The following TP53BP1 variants were observed in gnomAD, a reference collection of about 807,000 sequenced individuals.
TP53BP1 encodes TP53-binding protein 1.
A neutral mutation model predicts 200.8 loss-of-function variants in TP53BP1; 61 were observed. That is an observed-to-expected ratio of 0.30 (90% CI 0.25 to 0.38). The LOEUF is 0.38. Ranked by LOEUF, TP53BP1 falls within the 10% of genes least tolerant of loss-of-function variation. The pLI is 1.00. For missense variants in TP53BP1, 2,144 were observed against 2,371.9 expected (o/e 0.90, Z 2.00); for synonymous variants, 822 against 844.3 (o/e 0.97, Z 0.46).
chr15:43,428,367 T>C (rs2045598161), intron 17 of TP53BP1, among the ~76,000 whole-genome samples, 199 bp from the exon 18 acceptor site: 2 of 152,208 alleles, frequency 1.3e-5, no homozygotes, highest in African/African-American at 4.8e-5. Flanking sequence ...GAGAAGTTTA[T>C]ATGAGCATGA....
rs1268552575 is a variant in TP53BP1, at chr15:43,405,967, G to C, written c.*1416C>G. On this transcript the variant is annotated 3_prime_UTR_variant, in exon 28 of 28. Coordinates refer to ENST00000382044, the MANE Select transcript of TP53BP1 (RefSeq NM_001141980.3). ...AGACAGGAGAATTGCTTGAACCTGGGAAGCAGACGCTGCAGTGAGCTGAGA... is the reference window on the plus strand; with the variant it reads ...AGACAGGAGAATTGCTTGAACCTGGCAAGCAGACGCTGCAGTGAGCTGAGA... 1 of 147,050 alleles carries C rather than the reference G, an allele frequency of 6.8e-6. No homozygotes were observed. The highest frequency in any genetic ancestry group is 1.5e-5 in the Non-Finnish European group (1 of 67,440). The allele number at this position is 147,050 out of a possible 1,614,324, so 9.1% of individuals were successfully genotyped here. A position where few individuals can be genotyped will look rare whatever the true frequency, so the allele number is the denominator to read the frequency against.
intron 26 of TP53BP1, chr15:43,408,553 C>A: frequency 3.2e-6 from 1 of 315,908 alleles, no homozygotes; most frequent in South Asian, 3.8e-5. Context: ...TCCTTGCATT[C>A]CTGGCTTTCT....
At chr15:43,407,724 A>AGTT in intron 27 of TP53BP1, 154 bp from the exon 28 acceptor site, 3 of 814,448 alleles carry the variant, frequency 3.7e-6, no homozygotes, top group Non-Finnish European at 5.7e-6. Context: ...CCAAAGGCAG[A>AGTT]GTTATAATCA....
At chr15:43,493,165 C>G, upstream of TP53BP1, 2 of 1,541,822 alleles carry the variant, frequency 1.3e-6, no homozygotes, top group Non-Finnish European at 1.7e-6. Context: ...TCCCCCTTTC[C>G]CGTCACGTCA....
chr15:43,439,246 G>C (rs948759935), intron 15 of TP53BP1, among the ~76,000 whole-genome samples: 10 of 152,214 alleles, frequency 6.6e-5, no homozygotes, highest in African/African-American at 2.4e-4. Context: ...ACACTTAAAA[G>C]TTTCATGTAC....
intron 27 of TP53BP1, 58 bp from the exon 28 acceptor site, chr15:43,407,628 G>A: frequency 6.6e-7 from 1 of 1,508,644 alleles, no homozygotes; most frequent in East Asian, 2.3e-5. Context: ...CCCTCCATTA[G>A]AAAGAGAGAT....
rs756570796 is a variant in TP53BP1 at position 43,456,696 on chromosome 15, T to C, written c.1912A>G (p.Thr638Ala). 1.2e-6 allele frequency: 2 copies of C among 1,614,122 alleles called. No individual in the cohort carries two copies. The highest frequency in any genetic ancestry group is 1.7e-6 in the Non-Finnish European group (2 of 1,180,030). ...SGSQAVPSPA[T>A]RSEALSSVLD... ...ACACTAGAAAGTGCCTCAGATCGAGTAGCTGGTGACGGAACTGCCTGACTC... is the reference window on the plus strand; with the variant it reads ...ACACTAGAAAGTGCCTCAGATCGAGCAGCTGGTGACGGAACTGCCTGACTC... The change falls in exon 12 of 28, where the codon ACT becomes GCT. Residue 638 changes from threonine (T) to alanine (A), a missense_variant. This residue lies in a region of TP53BP1 where 1,700 missense variants were observed against 1,710.3 expected (regional missense o/e 0.99). Coordinates refer to ENST00000382044, the MANE Select transcript of TP53BP1 (RefSeq NM_001141980.3).
At chr15:43,455,761 T>C (rs1207119797) in intron 12 of TP53BP1, 131 bp downstream of exon 12, 3 of 1,166,738 alleles carry the variant, frequency 2.6e-6, no homozygotes, top group East Asian at 5.2e-5. Context: ...AATTTCCCAA[T>C]TATTATTGGT....
rs114765399 is a variant in TP53BP1 at position 43,420,183 on chromosome 15, A to C, written c.4681+122T>G. ...AAGAGTAACCAATTTTGTAGGAATG[A>C]AATTTCTGACTTTAGAGACACTGGA... is the stretch of plus-strand genomic sequence containing the variant. On this transcript the variant is annotated intron_variant, in intron 21 of 27. Coordinates refer to ENST00000382044, the MANE Select transcript of TP53BP1 (RefSeq NM_001141980.3). The C allele has an allele frequency of 1.2e-3, 1,185 of 977,144 alleles. 17 individuals are homozygous for C. In the African/African-American group the frequency reaches 0.017, roughly 14 times the overall value. 60.5% of individuals were successfully genotyped at this position (977,144 alleles called of 1,614,324 possible). A position where few individuals can be genotyped will look rare whatever the true frequency, so the allele number is the denominator to read the frequency against.
In TP53BP1 at chr15:43,477,623, C is replaced by T. The variant is rs1361970966; in HGVS notation, c.925G>A (p.Glu309Lys). Residue 309 changes from glutamate (E) to lysine (K), a missense_variant, in exon 8 of 28, where the codon GAA becomes AAA. By Grantham distance (56) the Glu-to-Lys change is moderately conservative. Coordinates refer to ENST00000382044, the MANE Select transcript of TP53BP1 (RefSeq NM_001141980.3). ...TTATTGCTCTGGTCAAACAAGTCTT[C>T]CTGAGTTGACAAAACCTCAGGCTCT... ...SPEPEVLSTQ[E>K]DLFDQSNKTV... is the part of the protein sequence containing the mutation. The T allele has an allele frequency of 4.3e-6, 7 of 1,613,460 alleles. No homozygotes were observed. The highest frequency in any genetic ancestry group is 1.1e-5 in the South Asian group (1 of 90,926).
intron 12 of TP53BP1, among the ~76,000 whole-genome samples, chr15:43,451,388 T>C (rs1208514860): frequency 1.4e-5 from 2 of 147,624 alleles, no homozygotes; most frequent in African/African-American, 2.5e-5. Context: ...CCTGTGTCCA[T>C]GTGTTCTCAT....
chr15:43,500,690 G>A (rs535226500), intron 1 of TP53BP1, among the ~76,000 whole-genome samples: 3 of 152,020 alleles, frequency 2.0e-5, no homozygotes, highest in African/African-American at 7.2e-5. Flanking sequence ...GCATGGTGGC[G>A]AGCACCTGTA....
chr15:43,415,815 G>T lies in TP53BP1; in HGVS notation c.4874-6C>A. On this transcript the variant is annotated splice_polypyrimidine_tract_variant and splice_region_variant and intron_variant, in intron 22 of 27. Coordinates refer to ENST00000382044, the MANE Select transcript of TP53BP1 (RefSeq NM_001141980.3). Reference sequence around the variant, plus strand: ...CTTCCCTTCCACCAAATTGTCTATGGCAGGATAAGCCAAACAGGTTGGTCA... The same window carrying T: ...CTTCCCTTCCACCAAATTGTCTATGTCAGGATAAGCCAAACAGGTTGGTCA... 1 of 1,613,198 alleles carries T rather than the reference G, an allele frequency of 6.2e-7. No individual in the cohort carries two copies. Among genetic ancestry groups the T allele is most frequent in the South Asian group, 1.1e-5 (1 of 91,042 alleles).
rs1425224519 is a variant in TP53BP1, at chr15:43,416,431, G to A, written c.4682-15C>T. 1 of 1,611,388 alleles carries A rather than the reference G, an allele frequency of 6.2e-7. No individual in the cohort carries two copies. The highest frequency in any genetic ancestry group is 8.5e-7 in the Non-Finnish European group (1 of 1,178,698). ...TTTCACCACTCCTGGGGGGTGGAAA[G>A]CATAAAAGAAGCTTGCTGTTGTCTT... On this transcript the variant is annotated splice_polypyrimidine_tract_variant and intron_variant, in intron 21 of 27. Coordinates refer to ENST00000382044, the MANE Select transcript of TP53BP1 (RefSeq NM_001141980.3).
chr15:43,441,268 G>A, intron 15 of TP53BP1: 1 of 338,346 alleles, frequency 3.0e-6, no homozygotes. Context: ...ACAGAAAAAA[G>A]GGGGGAAAGG....
In TP53BP1 at chr15:43,421,136, C is replaced by T. The variant is rs1453631801; in HGVS notation, c.4139G>A (p.Cys1380Tyr). ...KGVSQTGTPVCEEDGDAGLGI... is the reference protein window; with the variant it reads ...KGVSQTGTPVYEEDGDAGLGI... ...AAGGCCTGCATCACCATCCTCCTCA[C>T]ACACTGGCGTCCCTGTCTGACTGAC... is the stretch of plus-strand genomic sequence containing the variant. Residue 1380 changes from cysteine (C) to tyrosine (Y), a missense_variant, in exon 20 of 28, where the codon TGT becomes TAT. Physicochemically the swap from Cys to Tyr is radical, Grantham distance 194 (BLOSUM62 -2). Transcript: ENST00000382044. 1.9e-6 allele frequency: 3 copies of T among 1,614,246 alleles called. No individual in the cohort carries two copies. Among genetic ancestry groups the T allele is most frequent in the Non-Finnish European group, 2.5e-6 (3 of 1,180,030 alleles).
At chr15:43,484,901 C>T (rs182636628) in intron 4 of TP53BP1, among the ~76,000 whole-genome samples, 22 of 152,258 alleles carry the variant, frequency 1.4e-4, no homozygotes, top group Admixed American at 1.4e-3. Context: ...CAGGCGCACA[C>T]TACCATGCCT....
In TP53BP1 at chr15:43,421,910, T is replaced by C. The variant is rs754400309; in HGVS notation, c.4045A>G (p.Thr1349Ala). The C allele has an allele frequency of 5.0e-5, 81 of 1,614,108 alleles. No homozygotes were observed. Among genetic ancestry groups the C allele is most frequent in the Non-Finnish European group, 6.3e-5 (74 of 1,180,044 alleles). The change falls in exon 19 of 28, where the codon ACA becomes GCA. Residue 1349 changes from threonine (T) to alanine (A), a missense_variant. By Grantham distance (58) the Thr-to-Ala change is moderately conservative. Around this residue, in one of 4 missense-constraint regions of TP53BP1, gnomAD observed 1,700 missense variants for 1,710.3 expected, o/e 0.99. Coordinates refer to ENST00000382044, the MANE Select transcript of TP53BP1 (RefSeq NM_001141980.3). ...GGTAAGGCAAAATCTGCGGGTTCTG[T>C]CCCGCTGGTTTTCCCTCTGAGTGGT... is the stretch of plus-strand genomic sequence containing the variant. ...AGPLRGKTSGTEPADFALPSS... is the reference protein window; with the variant it reads ...AGPLRGKTSGAEPADFALPSS...
At position 43,432,293 on chromosome 15, in the gene TP53BP1, C is replaced by T. The variant is rs369109815; in HGVS notation, c.3576G>A (p.Gln1192=). 8 of 1,614,188 alleles carry T rather than the reference C, an allele frequency of 5.0e-6. No individual in the cohort carries two copies. The highest frequency in any genetic ancestry group is 1.6e-4 in the Middle Eastern group (1 of 6,062). The part of the protein sequence containing the change: ...VCEQGTSTVD[Q]NFGKQDATVQ... ...CTGTGGCATCTTGCTTTCCAAAGTT[C>T]TGGTCCACTGTACTGGTCCCCTGCT... Residue 1192 remains glutamine (Q), a synonymous_variant, in exon 17 of 28, where the codon CAG becomes CAA. Transcript: ENST00000382044.
Sources: gnomAD v4.1 joint callset for allele counts (sites outside exome capture counted in the v4.1 genomes callset) on GRCh38, gnomAD v4.1.1 for gene constraint, gnomAD v4.1.1 regional missense constraint, MANE v1.5 for transcripts, NCBI Gene and HGNC (gene_info 2026-07-23, HGNC 2026-07-21) for gene names.